DCC: variants seen among roughly 807,000 people sequenced by gnomAD.
DCC encodes the protein DCC netrin 1 receptor, also known as netrin receptor DCC.
Under a neutral mutation model 172.5 loss-of-function variants are expected in DCC, and 58 were observed. The ratio of observed to expected loss-of-function variants is 0.34; its 90% CI spans 0.27 to 0.42. DCC has a LOEUF of 0.42. Among genes scored for constraint, DCC ranks in the 10% least tolerant of loss-of-function variants. The pLI is 1.00. For synonymous variants in DCC, 709 were observed against 644.5 expected, an observed-to-expected ratio of 1.10 and a Z score of -1.52; for missense variants, 1,740 against 1,791.0, an observed-to-expected ratio of 0.97 and a Z score of 0.51.
intron 1 of DCC, among the ~76,000 whole-genome samples, chr18:52,591,596 T>C (rs1268339242): frequency 6.6e-6 from 1 of 151,866 alleles, no homozygotes; most frequent in Non-Finnish European, 1.5e-5. Context: ...TCAGTGCACA[T>C]TGCCAAATTA....
intron 15 of DCC, among the ~76,000 whole-genome samples, chr18:53,363,202 C>T (rs760296538): frequency 1.1e-4 from 17 of 152,146 alleles, no homozygotes; most frequent in Non-Finnish European, 2.1e-4. Flanking sequence ...CTTTCACATG[C>T]TCTCTCTTGA....
chr18:53,500,071 A>G (rs1447456119), intron 27 of DCC, among the ~76,000 whole-genome samples: 2 of 152,188 alleles, frequency 1.3e-5, no homozygotes, highest in Non-Finnish European at 2.9e-5. Flanking sequence ...GATTGATAGA[A>G]AGTAAAATAT....
intron 15 of DCC, among the ~76,000 whole-genome samples, chr18:53,370,838 T>G (rs1026184394): frequency 6.6e-6 from 1 of 151,862 alleles, no homozygotes; most frequent in Non-Finnish European, 1.5e-5. Flanking sequence ...GTTCTACATA[T>G]GCCTGTTAAA....
At chr18:52,576,916 A>G (rs1420413642) in intron 1 of DCC, among the ~76,000 whole-genome samples, 1 of 151,684 alleles carries the variant, frequency 6.6e-6, no homozygotes, top group African/African-American at 2.4e-5. Flanking sequence ...TTCAATGAGC[A>G]TTATATTTGT....
chr18:52,645,726 C>T (rs557735750), intron 1 of DCC, among the ~76,000 whole-genome samples: 35 of 152,188 alleles, frequency 2.3e-4, no homozygotes, highest in African/African-American at 6.5e-4. Context: ...ACCATGCAGC[C>T]CGTTCAGATG....
At chr18:53,308,580 C>A (rs960441052) in intron 13 of DCC, among the ~76,000 whole-genome samples, 1 of 152,062 alleles carries the variant, frequency 6.6e-6, no homozygotes, top group African/African-American at 2.4e-5. Context: ...AGCCTCATGG[C>A]CAGTAGAATT....
chr18:53,068,117 T>C (rs553998936), intron 7 of DCC, among the ~76,000 whole-genome samples: 1 of 152,304 alleles, frequency 6.6e-6, no homozygotes, highest in East Asian at 1.9e-4. Flanking sequence ...GGACTTCTTT[T>C]CCCTCCATTT....
At chr18:53,065,178 T>C (rs1007400360) in intron 6 of DCC, among the ~76,000 whole-genome samples, 8 of 152,156 alleles carry the variant, frequency 5.3e-5, no homozygotes, top group African/African-American at 1.7e-4. Flanking sequence ...ATCAAAGAAT[T>C]TTACATCAGC....
chr18:53,517,855 A>G (rs1219006266), intron 27 of DCC, among the ~76,000 whole-genome samples: 3 of 152,134 alleles, frequency 2.0e-5, no homozygotes, highest in Non-Finnish European at 4.4e-5. Flanking sequence ...TTGTTGCAAA[A>G]TTTATAGTTT....
At position 52,683,907 on chromosome 18, in the gene DCC, C is replaced by A. The variant is rs139840808; in HGVS notation, c.92-68147C>A. On this transcript the variant is annotated intron_variant, in intron 1 of 28. Transcript: ENST00000442544. Reference sequence around the variant, plus strand: ...GTGAAGAAACAACCAATGGAATCCTCGTATGCAAATCATATGGATGCATTT... The same window carrying A: ...GTGAAGAAACAACCAATGGAATCCTAGTATGCAAATCATATGGATGCATTT... Among the ~76,000 whole-genome samples, 797 of 152,162 alleles carry A rather than the reference C, an allele frequency of 5.2e-3. 1 individual carries two copies. The highest frequency in any genetic ancestry group is 8.4e-3 in the Non-Finnish European group (569 of 67,978).
At chr18:52,845,340 AG>A (rs1470429905) in intron 2 of DCC, among the ~76,000 whole-genome samples, 8 of 152,350 alleles carry the variant, frequency 5.3e-5, no homozygotes, top group African/African-American at 1.9e-4. Flanking sequence ...AAAATGTGAA[AG>A]ATAGTAAAAG....
intron 15 of DCC, 129 bp from the exon 16 acceptor site, chr18:53,385,914 A>G: frequency 1.4e-6 from 1 of 718,460 alleles, no homozygotes; most frequent in African/African-American, 1.7e-5. Context: ...TTCTGAATCC[A>G]ACTCACTCAT....
chr18:53,432,150 A>G (rs1291982172), intron 21 of DCC, among the ~76,000 whole-genome samples: 2 of 152,124 alleles, frequency 1.3e-5, no homozygotes, highest in African/African-American at 4.8e-5. Flanking sequence ...ATAATAATTA[A>G]AAAGCATTTT....
chr18:53,511,585 G>A (rs1036306546), intron 27 of DCC, among the ~76,000 whole-genome samples: 5 of 152,322 alleles, frequency 3.3e-5, no homozygotes, highest in Admixed American at 2.0e-4. Context: ...GACAGTGGGC[G>A]CAGGTCAGTG....
At chr18:52,604,552 G>T (rs1317440948) in intron 1 of DCC, among the ~76,000 whole-genome samples, 2 of 152,136 alleles carry the variant, frequency 1.3e-5, no homozygotes, top group Non-Finnish European at 2.9e-5. Flanking sequence ...AGGGAGGAAG[G>T]TTGCACCATC....
chr18:52,870,499 G>A (rs1164589183), intron 2 of DCC, among the ~76,000 whole-genome samples: 1 of 152,192 alleles, frequency 6.6e-6, no homozygotes, highest in East Asian at 1.9e-4. Flanking sequence ...AGAAGGGTGA[G>A]AACGGCTTTA....
intron 5 of DCC, among the ~76,000 whole-genome samples, chr18:52,928,508 A>G (rs1372301043): frequency 6.6e-6 from 1 of 152,194 alleles, no homozygotes; most frequent in African/African-American, 2.4e-5. Context: ...AATTTAATCT[A>G]TGTGTACACA....
chr18:52,442,113 A>AT (rs541474798), intron 1 of DCC, among the ~76,000 whole-genome samples: 5 of 152,238 alleles, frequency 3.3e-5, no homozygotes, highest in African/African-American at 4.8e-5. Context: ...ATGGAATGTG[A>AT]TTTTTTTATG....
At chr18:52,518,341 G>T in intron 1 of DCC, among the ~76,000 whole-genome samples, 1 of 152,188 alleles carries the variant, frequency 6.6e-6, no homozygotes, top group East Asian at 1.9e-4. Flanking sequence ...GTGGAACCCA[G>T]AGTTTGGACC....
Sources: allele counts gnomAD v4.1 joint callset (sites outside exome capture counted in the v4.1 genomes callset), GRCh38; gene constraint gnomAD v4.1.1; transcripts MANE v1.5; gene names NCBI Gene and HGNC (gene_info 2026-07-23, HGNC 2026-07-21).